Variants in ZP3 observed in about 807,000 individuals in gnomAD.
The protein encoded by ZP3 is zona pellucida sperm-binding protein 3.
Under a neutral mutation model 35.6 loss-of-function variants are expected in ZP3, and 21 were observed. The observed-to-expected ratio is 0.59, with a 90% CI of 0.42 to 0.85. The LOEUF is 0.85. Among genes scored for constraint, ZP3 ranks in the 40% least tolerant of loss-of-function variants. ZP3 has a pLI of 0.00. For missense variants in ZP3, 437 were observed against 536.5 expected, an observed-to-expected ratio of 0.81 and a Z score of 1.83; for synonymous variants, 207 against 214.5, an observed-to-expected ratio of 0.96 and a Z score of 0.31.
chr7:76,406,356 T>G (rs1805031968), intron 1 of ZP3, among the ~76,000 whole-genome samples: 3 of 152,228 alleles, frequency 2.0e-5, no homozygotes, highest in African/African-American at 7.2e-5. Context: ...CATGTATTGT[T>G]TTATTTTCAA....
intron 4 of ZP3, 164 bp downstream of exon 4, chr7:76,433,811 G>T: frequency 2.0e-6 from 2 of 1,025,098 alleles, no homozygotes; most frequent in Non-Finnish European, 2.8e-6. Context: ...TGATTCTCCT[G>T]CCTCAGCCCC....
At chr7:76,420,314 A>C (rs763639354), upstream of ZP3, among the ~76,000 whole-genome samples, 2 of 152,004 alleles carry the variant, frequency 1.3e-5, no homozygotes, top group Non-Finnish European at 2.9e-5. Context: ...GAGCCACCAC[A>C]CTCACACCAG....
At chr7:76,427,290 G>A (rs1805697076) in intron 1 of ZP3, among the ~76,000 whole-genome samples, 1 of 152,138 alleles carries the variant, frequency 6.6e-6, no homozygotes, top group South Asian at 2.1e-4. Context: ...GCCGAGGCGG[G>A]TGAATCACGA....
At chr7:76,398,738 T>A (rs1413410840) in intron 1 of ZP3, 2 of 1,613,356 alleles carry the variant, frequency 1.2e-6, no homozygotes, top group African/African-American at 2.7e-5. Context: ...TTCGGCAGTG[T>A]CGTAGGAGGT....
At chr7:76,429,716 A>G in intron 2 of ZP3, 83 bp downstream of exon 2, 5 of 1,153,064 alleles carry the variant, frequency 4.3e-6, no homozygotes, top group Non-Finnish European at 6.5e-6. Flanking sequence ...TATGGGCTAC[A>G]GCTTGCAGCA....
chr7:76,404,007 CTT>C (rs1024579023), intron 1 of ZP3, among the ~76,000 whole-genome samples: 1 of 152,054 alleles, frequency 6.6e-6, no homozygotes, highest in African/African-American at 2.4e-5. Context: ...GATTTCATCT[CTT>C]TTACCAGCTG....
At chr7:76,436,822 TCA>T (rs750034773) in intron 5 of ZP3, among the ~76,000 whole-genome samples, 5 of 152,244 alleles carry the variant, frequency 3.3e-5, no homozygotes, top group South Asian at 2.1e-4. Flanking sequence ...AGAGAAGTTT[TCA>T]CAGAGGTGGT....
At chr7:76,400,576 C>T in intron 1 of ZP3, 1 of 1,480,458 alleles carries the variant, frequency 6.8e-7, no homozygotes, top group Non-Finnish European at 9.0e-7. Flanking sequence ...GCTGGGGCCC[C>T]CCACCAGCCT....
At chr7:76,441,696 T>G (rs1392576700) in intron 7 of ZP3, 146 bp from the exon 8 acceptor site, 1 of 1,290,994 alleles carries the variant, frequency 7.7e-7, no homozygotes, top group East Asian at 2.4e-5. Context: ...CCGAGAAAGC[T>G]GTGTTTTTTT....
chr7:76,414,074 G>A (rs1805311285), intron 1 of ZP3, among the ~76,000 whole-genome samples: 3 of 149,236 alleles, frequency 2.0e-5, no homozygotes, highest in South Asian at 4.2e-4. Flanking sequence ...TCAGCTCGCT[G>A]CAACCTCCAC....
exon 1 of ZP3, chr7:76,397,633 G>T (rs751442426): frequency 9.9e-6 from 16 of 1,613,524 alleles, no homozygotes; most frequent in Non-Finnish European, 1.0e-5. Flanking sequence ...TGTCCAGCAG[G>T]ATGTGTCCGG....
chr7:76,405,958 C>T (rs1805012421), intron 1 of ZP3, among the ~76,000 whole-genome samples: 1 of 145,510 alleles, frequency 6.9e-6, no homozygotes, highest in African/African-American at 2.6e-5. Flanking sequence ...TCCTTCCTTC[C>T]TTCCTTCTTC....
rs2115882062 is a variant in ZP3 at position 76,425,119 on chromosome 7, T to TG, written c.157dup (p.Val53GlyfsTer18). 2 of 1,613,986 alleles carry TG rather than the reference T, an allele frequency of 1.2e-6. No homozygotes were observed. Among genetic ancestry groups the TG allele is most frequent in the Non-Finnish European group, 1.7e-6 (2 of 1,180,018 alleles). On this transcript the variant is annotated frameshift_variant, in exon 1 of 8. Coordinates refer to ENST00000394857, the MANE Select transcript of ZP3 (RefSeq NM_001110354.2). LOFTEE classifies it high-confidence loss of function. ...GTGGAGTGTCAGGAGGCCACTCTGA[T>TG]GGTCATGGTCAGCAAAGACCTTTTT...
intron 1 of ZP3, among the ~76,000 whole-genome samples, chr7:76,414,085 C>T (rs956189528): frequency 1.3e-5 from 2 of 151,534 alleles, no homozygotes; most frequent in African/African-American, 4.9e-5. Flanking sequence ...CAACCTCCAC[C>T]TCCTGGGTTC....
intron 1 of ZP3, among the ~76,000 whole-genome samples, chr7:76,401,844 C>T (rs777192659): frequency 2.0e-5 from 3 of 152,156 alleles, no homozygotes; most frequent in Non-Finnish European, 4.4e-5. Flanking sequence ...CTTTCAGGGC[C>T]TTCTCTGGTA....
intron 1 of ZP3, 105 bp downstream of exon 1, chr7:76,425,381 C>G: frequency 7.8e-7 from 1 of 1,276,428 alleles, no homozygotes; most frequent in Non-Finnish European, 1.1e-6. Context: ...GTGGATCCCT[C>G]TCACTTGTAG....
intron 7 of ZP3, among the ~76,000 whole-genome samples, chr7:76,441,573 G>GA (rs1380614849): frequency 6.6e-6 from 1 of 151,902 alleles, no homozygotes; most frequent in Non-Finnish European, 1.5e-5. Flanking sequence ...ATTTTCAGTA[G>GA]AGACGGGTCT....
intron 5 of ZP3, among the ~76,000 whole-genome samples, chr7:76,437,083 C>T (rs1283914452): frequency 6.6e-6 from 1 of 151,634 alleles, no homozygotes; most frequent in Non-Finnish European, 1.5e-5. Context: ...CCTTGGGAGG[C>T]CGAGGTGGGA....
chr7:76,440,961 C>T (rs1806180166), intron 7 of ZP3, among the ~76,000 whole-genome samples: 1 of 152,082 alleles, frequency 6.6e-6, no homozygotes, highest in Non-Finnish European at 1.5e-5. Flanking sequence ...CACCTGAGGT[C>T]AGGAGTTCGA....
Sources: gnomAD v4.1 joint callset for allele counts (sites outside exome capture counted in the v4.1 genomes callset) on GRCh38, gnomAD v4.1.1 for gene constraint, MANE v1.5 for transcripts, NCBI Gene and HGNC (gene_info 2026-07-23, HGNC 2026-07-21) for gene names.